LCA5L: variants seen among roughly 807,000 people sequenced by gnomAD.
LCA5L encodes lebercilin-like protein.
LCA5L carries 35 observed loss-of-function variants against 45.4 expected under a neutral mutation model. That is an observed-to-expected ratio of 0.77 (90% CI 0.59 to 1.02). The LOEUF is 1.02. LCA5L is among the 50% of genes least tolerant of loss of function. The pLI is 0.00. For missense variants in LCA5L, 668 were observed against 761.6 expected, an observed-to-expected ratio of 0.88 and a Z score of 1.45; for synonymous variants, 233 against 264.7, an observed-to-expected ratio of 0.88 and a Z score of 1.16.
intron 5 of LCA5L, chr21:39,427,740 G>A (rs960059187): frequency 1.3e-5 from 2 of 152,518 alleles, no homozygotes; most frequent in Non-Finnish European, 2.9e-5. Flanking sequence ...AAAAGATGGT[G>A]TTTGCCAATA....
At chr21:39,414,736 CTCTCTCTGTGTG>C (rs1158316953) in intron 7 of LCA5L, among the ~76,000 whole-genome samples, 115 of 92,284 alleles carry the variant, frequency 1.2e-3, no homozygotes, top group African/African-American at 4.3e-3. Flanking sequence ...CTCTCTCTCT[CTCTCTCTGTGTG>C]TGTGTGTGTG....
At chr21:39,414,758 G>C (rs868311923) in intron 7 of LCA5L, among the ~76,000 whole-genome samples, 31 of 150,900 alleles carry the variant, frequency 2.1e-4, no homozygotes, top group African/African-American at 5.2e-4. Flanking sequence ...GTGTGTGTGT[G>C]TGTGTGTGTG....
Position 39,406,116 on chromosome 21 carries a change from A to C in LCA5L, c.1779T>G (p.Asp593Glu). 6.2e-7 allele frequency: 1 copy of C among 1,614,216 alleles called. No homozygotes were observed. The highest frequency in any genetic ancestry group is 8.5e-7 in the Non-Finnish European group (1 of 1,180,048). Residue 593 changes from aspartate to glutamate, a missense_variant, in exon 11 of 11, where the codon GAT (aspartate) becomes GAG (glutamate). Asp to Glu is a conservative substitution (Grantham distance 45). Coordinates refer to ENST00000288350, the MANE Select transcript of LCA5L (RefSeq NM_152505.4). The part of the protein sequence containing the change: ...RIKVKDTTFR[D>E]KKSSLMEELF... ...GTTCTTCCATGAGACTGCTTTTCTTATCTCTGAAAGTTGTATCCTTCACTT... is the reference window on the plus strand; with the variant it reads ...GTTCTTCCATGAGACTGCTTTTCTTCTCTCTGAAAGTTGTATCCTTCACTT...
At chr21:39,438,756 ATAT>A (rs1372012530) in intron 2 of LCA5L, 3 of 150,004 alleles carry the variant, frequency 2.0e-5, no homozygotes, top group African/African-American at 5.0e-5. Flanking sequence ...CAGATAAAAC[ATAT>A]TATTGTTATT....
At chr21:39,440,352 AAGG>A (rs1256769461) in intron 2 of LCA5L, among the ~76,000 whole-genome samples, 2 of 152,150 alleles carry the variant, frequency 1.3e-5, no homozygotes, top group Non-Finnish European at 2.9e-5. Context: ...CAATACCAAT[AAGG>A]AGGATACATC....
chr21:39,416,659 G>T (rs901312031), intron 7 of LCA5L, among the ~76,000 whole-genome samples: 9 of 141,786 alleles, frequency 6.3e-5, no homozygotes, highest in Non-Finnish European at 1.1e-4. Context: ...TCTTACTTCT[G>T]TATTTTTTTT....
At chr21:39,410,942 G>A (rs1175958457) in intron 8 of LCA5L, 1 of 470,940 alleles carries the variant, frequency 2.1e-6, no homozygotes, top group Middle Eastern at 3.3e-4. Flanking sequence ...ACAGAGGTGA[G>A]TATTCCTATG....
intron 1 of LCA5L, 77 bp downstream of exon 1, chr21:39,445,648 G>T (rs1452510981): frequency 6.6e-6 from 1 of 152,562 alleles, no homozygotes; most frequent in African/African-American, 2.4e-5. Flanking sequence ...GTAGCAGGAG[G>T]GTCCGGAAGG....
At chr21:39,417,822 G>A (rs1042829169) in intron 7 of LCA5L, among the ~76,000 whole-genome samples, 1 of 152,014 alleles carries the variant, frequency 6.6e-6, no homozygotes, top group African/African-American at 2.4e-5. Flanking sequence ...CTGGAGTGCG[G>A]TGGCGTGATC....
intron 7 of LCA5L, among the ~76,000 whole-genome samples, chr21:39,420,083 A>G (rs1221253678): frequency 6.6e-6 from 1 of 152,246 alleles, no homozygotes; most frequent in Non-Finnish European, 1.5e-5. Context: ...AGGAATGCTA[A>G]CAAGAAGCCT....
chr21:39,405,841 G>T lies in LCA5L; in HGVS notation c.*41C>A. On this transcript the variant is annotated 3_prime_UTR_variant, in exon 11 of 11. Transcript: ENST00000288350. ...AAATAAGATGCAAGGCACATAAGCAGCATTATATCAAACCAGAATGCATTA... is the reference window on the plus strand; with the variant it reads ...AAATAAGATGCAAGGCACATAAGCATCATTATATCAAACCAGAATGCATTA... 1 of 1,407,090 alleles carries T rather than the reference G, an allele frequency of 7.1e-7. No homozygotes were observed. The highest frequency in any genetic ancestry group is 2.5e-5 in the East Asian group (1 of 40,362). The allele number at this position is 1,407,090 out of a possible 1,614,324, so 87.2% of individuals were successfully genotyped here. A position where few individuals can be genotyped will look rare whatever the true frequency, so the allele number is the denominator to read the frequency against.
In LCA5L at chr21:39,406,013, T is replaced by C. The variant is rs774011644; in HGVS notation, c.1882A>G (p.Ser628Gly). 1.2e-5 allele frequency: 19 copies of C among 1,614,122 alleles called. No homozygotes were observed. The African/African-American group carries it at 1.9e-4, about 16-fold the overall frequency. Reference sequence around the variant, plus strand: ...GGAGGCAGGGGATGCGACTCCTTACTTTGCAAAGGCTCCTCTGAGCCTTTT... The same window carrying C: ...GGAGGCAGGGGATGCGACTCCTTACCTTGCAAAGGCTCCTCTGAGCCTTTT... ...VAKGSEEPLQ[S>G]KESHPLPPSQ... The change falls in exon 11 of 11, where the codon AGT (serine) becomes GGT (glycine). Residue 628 changes from serine (S) to glycine (G), a missense_variant. Ser to Gly is a moderately conservative substitution (Grantham distance 56). Transcript: ENST00000288350.
At chr21:39,428,114 G>A in intron 5 of LCA5L, 58 bp downstream of exon 5, 2 of 1,008,620 alleles carry the variant, frequency 2.0e-6, no homozygotes, top group African/African-American at 1.6e-5. Context: ...CACTAGTGCA[G>A]TAAAATAACA....
chr21:39,423,406 CTTCTT>C lies in LCA5L; in HGVS notation c.402_406del (p.Arg136CysfsTer13), dbSNP rs2074073840. On this transcript the variant is annotated frameshift_variant, in exon 6 of 11. Coordinates refer to ENST00000288350, the MANE Select transcript of LCA5L (RefSeq NM_152505.4). LOFTEE classifies it high-confidence loss of function. Reference sequence around the variant, plus strand: ...GAGTATTCGATGAGCCATAGCATCTCTTCTTTGGGCAATCATATGGATTTGAGAAT... The same window carrying C: ...GAGTATTCGATGAGCCATAGCATCTCTGGGCAATCATATGGATTTGAGAAT... The C allele has an allele frequency of 6.2e-7, 1 of 1,605,334 alleles. No homozygotes were observed. Among genetic ancestry groups the C allele is most frequent in the Non-Finnish European group, 8.5e-7 (1 of 1,178,264 alleles).
chr21:39,423,180 C>A lies in LCA5L; in HGVS notation c.633G>T (p.Arg211Ser). The change falls in exon 6 of 11, where the codon AGG becomes AGT. Residue 211 changes from arginine (R) to serine (S), a missense_variant. By Grantham distance (110) the Arg-to-Ser change is moderately radical. Coordinates refer to ENST00000288350, the MANE Select transcript of LCA5L (RefSeq NM_152505.4). ...TTTCCTGGGATTTCCTAAGTAGTTG[C>A]CTTAAATTTTTTACTTCATTCTGAT... is the stretch of plus-strand genomic sequence containing the variant. ...AKHQNEVKNLRQLLRKSQEKE... is the reference protein window; with the variant it reads ...AKHQNEVKNLSQLLRKSQEKE... The A allele has an allele frequency of 6.2e-7, 1 of 1,613,114 alleles. No homozygotes were observed. The highest frequency in any genetic ancestry group is 8.5e-7 in the Non-Finnish European group (1 of 1,179,674).
At chr21:39,413,547 T>A (rs967417685) in intron 7 of LCA5L, among the ~76,000 whole-genome samples, 60 of 152,326 alleles carry the variant, frequency 3.9e-4, no homozygotes, top group South Asian at 8.3e-4. Flanking sequence ...ATTAGTTTAT[T>A]ATCAGAGGTA....
intron 6 of LCA5L, among the ~76,000 whole-genome samples, chr21:39,421,100 C>T (rs1204714670): frequency 1.4e-5 from 2 of 147,238 alleles, no homozygotes; most frequent in African/African-American, 2.5e-5. Flanking sequence ...TTTAACAATT[C>T]GTTTTTTTTT....
chr21:39,431,800 G>GC (rs2075760571), intron 3 of LCA5L, among the ~76,000 whole-genome samples: 1 of 152,180 alleles, frequency 6.6e-6, no homozygotes, highest in Non-Finnish European at 1.5e-5. Flanking sequence ...ACAGGTGTAA[G>GC]CCAGCGCGCC....
chr21:39,420,649 G>T, intron 7 of LCA5L, 57 bp downstream of exon 7: 1 of 1,435,602 alleles, frequency 7.0e-7, no homozygotes. Flanking sequence ...GACATAAATA[G>T]CTCATATATT....
Sources: allele counts gnomAD v4.1 joint callset (sites outside exome capture counted in the v4.1 genomes callset), GRCh38; gene constraint gnomAD v4.1.1; transcripts MANE v1.5; gene names NCBI Gene and HGNC (gene_info 2026-07-23, HGNC 2026-07-21).